The following CSNK1D variants were observed in gnomAD, a reference collection of about 807,000 sequenced individuals.
CSNK1D encodes casein kinase I isoform delta.
In CSNK1D, 16 loss-of-function variants were observed where a neutral mutation model predicts 46.6. That is an observed-to-expected ratio of 0.34 (90% CI 0.23 to 0.52). The LOEUF is 0.52. CSNK1D is among the 20% of genes least tolerant of loss of function. CSNK1D has a pLI of 0.95. For synonymous variants in CSNK1D, 276 were observed against 228.2 expected (o/e 1.21, Z -1.89); for missense variants, 398 against 578.4 (o/e 0.69, Z 3.20).
intron 1 of CSNK1D, among the ~76,000 whole-genome samples, chr17:82,272,668 G>A (rs1343319566): frequency 6.6e-6 from 1 of 152,186 alleles, no homozygotes; most frequent in Admixed American, 6.5e-5. Flanking sequence ...GGGAGGGCAA[G>A]CCCCACTCCT....
At chr17:82,247,446 G>T (rs2050879039) in intron 8 of CSNK1D, 1 of 985,346 alleles carries the variant, frequency 1.0e-6, no homozygotes, top group Admixed American at 6.1e-5. Flanking sequence ...TTCTTTAAAA[G>T]AAACAAAAAG....
chr17:82,246,565 C>G, intron 8 of CSNK1D: 1 of 1,035,874 alleles, frequency 9.7e-7, no homozygotes. Flanking sequence ...GCCAAAGAGC[C>G]CTGGCCGAAC....
Position 82,243,866 on chromosome 17 carries a change from C to T in CSNK1D, c.*915G>A, listed in dbSNP as rs2050785422. 5.1e-6 allele frequency: 5 copies of T among 985,640 alleles called. No homozygotes were observed. The highest frequency in any genetic ancestry group is 6.0e-6 in the Non-Finnish European group (5 of 830,072). The allele number at this position is 985,640 out of a possible 1,614,324, so 61.1% of individuals were successfully genotyped here. ...CAGTCCTCTCCCAAGGGACCAGAAA[C>T]GCATCTTCCACCTTGAATCCTGGGA... is the stretch of plus-strand genomic sequence containing the variant. On this transcript the variant is annotated 3_prime_UTR_variant, in exon 9 of 9. Coordinates refer to ENST00000314028, the MANE Select transcript of CSNK1D (RefSeq NM_001893.6).
chr17:82,246,944 G>A (rs1364645024), intron 8 of CSNK1D: 10 of 985,380 alleles, frequency 1.0e-5, no homozygotes, highest in East Asian at 1.1e-4. Context: ...GATTCAAAAC[G>A]GGAGCTGCTG....
Position 82,243,576 on chromosome 17 carries a change from C to T in CSNK1D, c.*1205G>A, listed in dbSNP as rs1195248051. 1 of 985,382 alleles carries T rather than the reference C, an allele frequency of 1.0e-6. No individual in the cohort carries two copies. The highest frequency in any genetic ancestry group is 1.2e-6 in the Non-Finnish European group (1 of 829,976). The allele number at this position is 985,382 out of a possible 1,614,324, so 61.0% of individuals were successfully genotyped here. ...ACGCGCCCAACAGAAGGTCACAGCG[C>T]AGACTCTACTTTCTGGCCGTGAAGG... is the stretch of plus-strand genomic sequence containing the variant. On this transcript the variant is annotated 3_prime_UTR_variant, in exon 9 of 9. Transcript: ENST00000314028.
At position 82,248,696 on chromosome 17, in the gene CSNK1D, C is replaced by T; in HGVS notation, c.1197+179G>A. The T allele has an allele frequency of 3.5e-6, 5 of 1,441,122 alleles. No individual in the cohort carries two copies. The highest frequency in any genetic ancestry group is 4.6e-6 in the Non-Finnish European group (5 of 1,097,906). The allele number at this position is 1,441,122 out of a possible 1,614,324, so 89.3% of individuals were successfully genotyped here. ...CAAGCCCCATGACGGCCCAGCATGT[C>T]TCCCAGGCCCTCCCGAGAAGCCTCA... On this transcript the variant is annotated intron_variant, in intron 8 of 8. Coordinates refer to ENST00000314028, the MANE Select transcript of CSNK1D (RefSeq NM_001893.6). The surrounding 1 kb of genome is among the most constrained non-coding windows in gnomAD (Gnocchi z 4.1).
At chr17:82,247,525 C>A in intron 8 of CSNK1D, 1 of 985,488 alleles carries the variant, frequency 1.0e-6, no homozygotes, top group Non-Finnish European at 1.2e-6. Context: ...CCGGTCAGCA[C>A]CCAGCATGGG....
At chr17:82,265,217 C>G in intron 2 of CSNK1D, 1 of 217,418 alleles carries the variant, frequency 4.6e-6, no homozygotes. Flanking sequence ...CTCACTCTGT[C>G]GCCCAGGCTG....
At position 82,249,591 on chromosome 17, in the gene CSNK1D, C is replaced by A; in HGVS notation, c.897G>T (p.Arg299=). The A allele has an allele frequency of 1.3e-6, 2 of 1,559,974 alleles. No individual in the cohort carries two copies. The change falls in exon 7 of 9, where the codon CGG becomes CGT. Residue 299 remains arginine (R), a synonymous_variant. Transcript: ENST00000314028. The surrounding 1 kb of genome is among the most constrained non-coding windows in gnomAD (Gnocchi z 6.7). The stretch of plus-strand genomic sequence containing the variant: ...GCTCCCGCTCGGCGTCATCGGCGGC[C>A]CGGCTGGCACCCTGAGGAGGCAGGA... The part of the protein sequence containing the change: ...DWNMLKFGAS[R]AADDAERERR...
chr17:82,247,772 T>C (rs1317264845), intron 8 of CSNK1D: 1 of 985,264 alleles, frequency 1.0e-6, no homozygotes, highest in Non-Finnish European at 1.2e-6. Flanking sequence ...CGAGCCCAAT[T>C]CATATAACCA....
chr17:82,264,795 ATCT>A (rs2051425691), intron 2 of CSNK1D, among the ~76,000 whole-genome samples: 2 of 143,364 alleles, frequency 1.4e-5, no homozygotes, highest in Non-Finnish European at 3.0e-5. Flanking sequence ...TTCACACAAA[ATCT>A]TTTTTTTTTT....
At chr17:82,260,041 G>GGTGTAC (rs1454243228) in intron 2 of CSNK1D, among the ~76,000 whole-genome samples, 1 of 129,998 alleles carries the variant, frequency 7.7e-6, no homozygotes, top group Non-Finnish European at 1.5e-5. Flanking sequence ...ACTGACTGAT[G>GGTGTAC]TGACTGATGG....
At chr17:82,269,882 G>A (rs1023967801) in intron 1 of CSNK1D, among the ~76,000 whole-genome samples, 2 of 152,276 alleles carry the variant, frequency 1.3e-5, no homozygotes, top group African/African-American at 4.8e-5. Context: ...TCCACATTAA[G>A]GACACTGGCT....
At position 82,249,566 on chromosome 17, in the gene CSNK1D, G is replaced by A. The variant is rs781765055; in HGVS notation, c.922C>T (p.Arg308Cys). ...SRAADDAERE[R>C]RDREERLRHS... ...CTCAGCCGCTCCTCTCGGTCCCTGC[G>A]CTCCCGCTCGGCGTCATCGGCGGCC... The change falls in exon 7 of 9, where the codon CGC becomes TGC. Residue 308 changes from arginine to cysteine, a missense_variant. Arg to Cys is a radical substitution (Grantham distance 180). Transcript: ENST00000314028. This position sits in a 1 kb window ranked among gnomAD's most constrained non-coding sequence, Gnocchi z 6.7. 1.4e-5 allele frequency: 21 copies of A among 1,554,380 alleles called. No homozygotes were observed. The highest frequency in any genetic ancestry group is 1.9e-5 in the Admixed American group (1 of 51,894).
In CSNK1D at chr17:82,248,472, G is replaced by C; in HGVS notation, c.1197+403C>G. On this transcript the variant is annotated intron_variant, in intron 8 of 8. Coordinates refer to ENST00000314028, the MANE Select transcript of CSNK1D (RefSeq NM_001893.6). This position sits in a 1 kb window ranked among gnomAD's most constrained non-coding sequence, Gnocchi z 4.1. ...AGGTCCCTACGGGCCTCCATCCCTG[G>C]CCAGTGGCAAGAATGAGGAAGAATG... 1 of 1,082,614 alleles carries C rather than the reference G, an allele frequency of 9.2e-7. No individual in the cohort carries two copies. Among genetic ancestry groups the C allele is most frequent in the Non-Finnish European group, 1.1e-6 (1 of 885,970 alleles). The allele number at this position is 1,082,614 out of a possible 1,614,324, so 67.1% of individuals were successfully genotyped here. A position where few individuals can be genotyped will look rare whatever the true frequency, so the allele number is the denominator to read the frequency against.
Position 82,273,257 on chromosome 17 carries a change from C to A in CSNK1D, c.76+49G>T, listed in dbSNP as rs763573288. The A allele has an allele frequency of 6.4e-7, 1 of 1,561,084 alleles. No individual in the cohort carries two copies. ...CCGCGATCGCGCTTGGTCTTGGCAG[C>A]CGCAGGGCCCGGGTCTTCGGGCGGC... On this transcript the variant is annotated intron_variant, in intron 1 of 8. Coordinates refer to ENST00000314028, the MANE Select transcript of CSNK1D (RefSeq NM_001893.6). This position sits in a 1 kb window ranked among gnomAD's most constrained non-coding sequence, Gnocchi z 5.1.
In CSNK1D at chr17:82,249,008, G is replaced by A; in HGVS notation, c.1064C>T (p.Thr355Ile). 1 of 1,559,252 alleles carries A rather than the reference G, an allele frequency of 6.4e-7. No individual in the cohort carries two copies. Among genetic ancestry groups the A allele is most frequent in the Non-Finnish European group, 8.7e-7 (1 of 1,150,840 alleles). Residue 355 changes from threonine to isoleucine, a missense_variant, in exon 8 of 9, where the codon ACC (threonine) becomes ATC (isoleucine). This residue lies in a region of CSNK1D where 181 missense variants were observed against 208.0 expected (regional missense o/e 0.87). Transcript: ENST00000314028. This position sits in a 1 kb window ranked among gnomAD's most constrained non-coding sequence, Gnocchi z 6.7. ...PLTPTSHTAN[T>I]SPRPVSGMER... Reference sequence around the variant, plus strand: ...CATGCCGGAGACGGGCCGGGGGGAGGTGTTAGCTGAGGACAGGGAGAGAAA... The same window carrying A: ...CATGCCGGAGACGGGCCGGGGGGAGATGTTAGCTGAGGACAGGGAGAGAAA...
intron 2 of CSNK1D, among the ~76,000 whole-genome samples, chr17:82,259,833 G>A (rs576373267): frequency 4.1e-4 from 62 of 152,352 alleles, no homozygotes; most frequent in Non-Finnish European, 8.1e-4. Context: ...ACTGCATCGC[G>A]TAACACTAAA....
chr17:82,241,406 G>T (rs2050740395), downstream of CSNK1D, among the ~76,000 whole-genome samples: 1 of 152,232 alleles, frequency 6.6e-6, no homozygotes, highest in Admixed American at 6.5e-5. Flanking sequence ...TCTAAACCAT[G>T]CCTGAGGACA....
Sources: gnomAD v4.1 joint callset for allele counts (sites outside exome capture counted in the v4.1 genomes callset) on GRCh38, gnomAD v4.1.1 for gene constraint, gnomAD v4.1.1 regional missense constraint, Gnocchi (gnomAD v3.1) non-coding constraint, MANE v1.5 for transcripts, NCBI Gene and HGNC (gene_info 2026-07-23, HGNC 2026-07-21) for gene names.